Variants in TTC39C observed in about 807,000 individuals in gnomAD.
TTC39C encodes tetratricopeptide repeat domain 39C.
A neutral mutation model predicts 76.3 loss-of-function variants in TTC39C; 33 were observed. That is an observed-to-expected ratio of 0.43 (90% confidence interval 0.33 to 0.58). The LOEUF (loss-of-function observed/expected upper bound fraction) is 0.58. Ranked by LOEUF, TTC39C falls within the 20% of genes least tolerant of loss-of-function variation. The pLI, the probability that TTC39C is intolerant of heterozygous loss-of-function variation, is 0.04. For missense variants in TTC39C, 595 were observed against 701.4 expected (o/e 0.85, Z 1.71); for synonymous variants, 254 against 260.6 (o/e 0.97, Z 0.24).
chr18:23,995,340 C>T (rs1736421674), intron 1 of TTC39C, among the ~76,000 whole-genome samples: 1 of 152,022 alleles, frequency 6.6e-6, no homozygotes, highest in African/African-American at 2.4e-5. Context: ...TGTGGTGGCG[C>T]GCGTCTGTAG....
At chr18:24,113,144 C>T (rs957491804) in intron 6 of TTC39C, among the ~76,000 whole-genome samples, 3 of 152,170 alleles carry the variant, frequency 2.0e-5, no homozygotes, top group Non-Finnish European at 4.4e-5. Context: ...GGTCAGCATT[C>T]ATAAACGGTG....
chr18:24,021,226 C>G (rs2145653583), intron 1 of TTC39C, among the ~76,000 whole-genome samples: 1 of 152,268 alleles, frequency 6.6e-6, no homozygotes, highest in African/African-American at 2.4e-5. Context: ...TAGCTCTACC[C>G]TGTGAAAGGA....
At chr18:23,993,391 C>T (rs2083234969) in intron 1 of TTC39C, among the ~76,000 whole-genome samples, 3 of 152,196 alleles carry the variant, frequency 2.0e-5, no homozygotes, top group Admixed American at 2.0e-4. Flanking sequence ...AAAATATCTA[C>T]AATAACAAAA....
At chr18:24,082,530 T>G (rs1034751787) in intron 5 of TTC39C, among the ~76,000 whole-genome samples, 3 of 152,192 alleles carry the variant, frequency 2.0e-5, no homozygotes, top group African/African-American at 7.2e-5. Context: ...AAAGCTTTTA[T>G]TACAAGGGAA....
chr18:24,038,041 G>A (rs1049226330), intron 1 of TTC39C, among the ~76,000 whole-genome samples: 8 of 152,196 alleles, frequency 5.3e-5, no homozygotes, highest in Non-Finnish European at 2.9e-5. Flanking sequence ...TGAGTTGTCA[G>A]ATGTGTATCT....
At chr18:24,094,744 C>G (rs1466583974) in intron 6 of TTC39C, among the ~76,000 whole-genome samples, 2 of 152,214 alleles carry the variant, frequency 1.3e-5, no homozygotes, top group Non-Finnish European at 1.5e-5. Context: ...GCTTAAAATA[C>G]TGAGTAAACC....
At chr18:24,132,076 G>A (rs1397083996) in intron 13 of TTC39C, among the ~76,000 whole-genome samples, 156 bp downstream of exon 13, 1 of 152,188 alleles carries the variant, frequency 6.6e-6, no homozygotes, top group Admixed American at 6.5e-5. Context: ...GAGCTCTTGA[G>A]TTTTAAGGGA....
At chr18:24,099,029 GTGTGTGTA>G (rs1261261903) in intron 6 of TTC39C, among the ~76,000 whole-genome samples, 5 of 146,928 alleles carry the variant, frequency 3.4e-5, no homozygotes, top group East Asian at 2.0e-4. Flanking sequence ...GTGTGTGTGT[GTGTGTGTA>G]TATATATATC....
At chr18:24,096,844 A>G (rs1327373805) in intron 6 of TTC39C, among the ~76,000 whole-genome samples, 4 of 152,230 alleles carry the variant, frequency 2.6e-5, no homozygotes, top group Non-Finnish European at 5.9e-5. Flanking sequence ...CATAAGCTCT[A>G]CCAAGTTCCA....
intron 3 of TTC39C, among the ~76,000 whole-genome samples, chr18:24,067,098 A>T (rs1315467055): frequency 6.6e-6 from 1 of 152,170 alleles, no homozygotes; most frequent in African/African-American, 2.4e-5. Flanking sequence ...AAATCCTGTT[A>T]TTTCTTCTGT....
At chr18:24,034,237 AG>A (rs2083707508) in intron 1 of TTC39C, among the ~76,000 whole-genome samples, 4 of 152,246 alleles carry the variant, frequency 2.6e-5, no homozygotes, top group Admixed American at 2.6e-4. Flanking sequence ...AAACTTCATA[AG>A]GAGTGTCACA....
At chr18:24,122,556 CA>C (rs2084983198) in intron 8 of TTC39C, among the ~76,000 whole-genome samples, 1 of 146,614 alleles carries the variant, frequency 6.8e-6, no homozygotes, top group Non-Finnish European at 1.5e-5. Flanking sequence ...TAGTGCATTC[CA>C]ACTGGGGAGT....
chr18:24,131,735 T>A, intron 12 of TTC39C, 147 bp from the exon 13 acceptor site: 1 of 584,242 alleles, frequency 1.7e-6, no homozygotes. Context: ...AAAAGAAGAA[T>A]ATTGGAGTCA....
At chr18:24,095,665 C>CTCCA (rs2084579243) in intron 6 of TTC39C, among the ~76,000 whole-genome samples, 2 of 152,198 alleles carry the variant, frequency 1.3e-5, no homozygotes, top group African/African-American at 4.8e-5. Flanking sequence ...CATCATTGCA[C>CTCCA]TCCAGCCTGG....
At chr18:24,050,875 G>GAA (rs56836246) in intron 1 of TTC39C, among the ~76,000 whole-genome samples, 10,129 of 142,554 alleles carry the variant, frequency 0.071, 924 homozygotes, top group African/African-American at 0.2. Context: ...TCCATCTCAG[G>GAA]AAAAAAAAAA....
intron 6 of TTC39C, among the ~76,000 whole-genome samples, chr18:24,104,920 C>G (rs1417023797): frequency 6.6e-6 from 1 of 152,002 alleles, no homozygotes; most frequent in African/African-American, 2.4e-5. Flanking sequence ...CTCCATCTCC[C>G]CCATCAAGGA....
At chr18:24,092,351 C>T (rs1265032628) in intron 6 of TTC39C, among the ~76,000 whole-genome samples, 1 of 151,986 alleles carries the variant, frequency 6.6e-6, no homozygotes, top group Non-Finnish European at 1.5e-5. Context: ...TGCTCTGGAC[C>T]CAGTTCAACA....
chr18:24,092,275 T>C (rs901452056), intron 6 of TTC39C, among the ~76,000 whole-genome samples: 3 of 152,000 alleles, frequency 2.0e-5, no homozygotes, highest in African/African-American at 7.2e-5. Flanking sequence ...CAATAGCAAG[T>C]GTGGGCAGGA....
intron 10 of TTC39C, among the ~76,000 whole-genome samples, chr18:24,128,636 G>A (rs1200601068): frequency 1.6e-4 from 24 of 152,090 alleles, no homozygotes; most frequent in Non-Finnish European, 2.9e-5. Context: ...GAAGTGGAAG[G>A]GTCAGTTCTG....
Sources: gnomAD v4.1 joint callset for allele counts (sites outside exome capture counted in the v4.1 genomes callset) on GRCh38, gnomAD v4.1.1 for gene constraint, MANE v1.5 for transcripts, NCBI Gene and HGNC (gene_info 2026-07-23, HGNC 2026-07-21) for gene names.